The following PTPRT variants were observed in gnomAD, a reference collection of about 807,000 sequenced individuals.
The protein encoded by PTPRT is protein tyrosine phosphatase receptor type T.
A neutral mutation model predicts 176.8 loss-of-function variants in PTPRT; 56 were observed. The ratio of observed to expected loss-of-function variants is 0.32; its 90% CI spans 0.26 to 0.40. PTPRT has a LOEUF of 0.40. Among genes scored for constraint, PTPRT ranks in the 10% least tolerant of loss-of-function variants. The pLI is 1.00. For synonymous variants in PTPRT, 783 were observed against 739.0 expected (o/e 1.06, Z -0.96); for missense variants, 1,540 against 1,908.2 (o/e 0.81, Z 3.60).
chr20:43,063,811 T>C (rs1367896574), intron 1 of PTPRT, among the ~76,000 whole-genome samples: 1 of 152,190 alleles, frequency 6.6e-6, no homozygotes, highest in East Asian at 1.9e-4. Flanking sequence ...AAAGCAGCTC[T>C]GCAAGTTCCC....
intron 16 of PTPRT, among the ~76,000 whole-genome samples, chr20:42,178,816 C>T (rs1600638427): frequency 1.3e-5 from 2 of 152,272 alleles, no homozygotes; most frequent in East Asian, 3.9e-4. Context: ...GTATGGGACT[C>T]AGTTCCTTGC....
At chr20:42,106,587 A>G (rs1986464213) in intron 24 of PTPRT, among the ~76,000 whole-genome samples, 199 bp downstream of exon 24, 1 of 152,014 alleles carries the variant, frequency 6.6e-6, no homozygotes, top group African/African-American at 2.4e-5. Flanking sequence ...TGCACTGTAG[A>G]CCTCCAGGGT....
intron 6 of PTPRT, among the ~76,000 whole-genome samples, chr20:42,680,641 G>C (rs1476467198): frequency 6.6e-6 from 1 of 152,150 alleles, no homozygotes; most frequent in Non-Finnish European, 1.5e-5. Context: ...ATTAAGAGTT[G>C]CAGACTTCAA....
intron 1 of PTPRT, among the ~76,000 whole-genome samples, chr20:43,124,345 A>G (rs556761685): frequency 6.6e-6 from 1 of 152,344 alleles, no homozygotes; most frequent in African/African-American, 2.4e-5. Flanking sequence ...ATATAAATGC[A>G]TGTTCTTCTC....
chr20:43,043,932 C>T (rs1986734285), intron 1 of PTPRT, among the ~76,000 whole-genome samples: 2 of 152,224 alleles, frequency 1.3e-5, no homozygotes, highest in South Asian at 2.1e-4. Flanking sequence ...CCTCTGTCTG[C>T]TTATCCCACC....
At chr20:42,554,749 G>A (rs564937659) in intron 7 of PTPRT, among the ~76,000 whole-genome samples, 27 of 152,224 alleles carry the variant, frequency 1.8e-4, no homozygotes, top group African/African-American at 5.5e-4. Context: ...ATGCTTATTG[G>A]ACTTAAGCTG....
chr20:42,474,776 G>A (rs1054775972), intron 7 of PTPRT, among the ~76,000 whole-genome samples: 2 of 152,078 alleles, frequency 1.3e-5, no homozygotes, highest in Admixed American at 6.5e-5. Context: ...GGGAAGCCCC[G>A]AGCATCCCCA....
At chr20:42,969,522 C>A (rs752889131) in intron 1 of PTPRT, 1 of 152,180 alleles carries the variant, frequency 6.6e-6, no homozygotes, top group Non-Finnish European at 1.5e-5. Context: ...GAGCACTTTA[C>A]TATGAACTAT....
chr20:42,275,045 T>G (rs2057005946), intron 13 of PTPRT, among the ~76,000 whole-genome samples: 1 of 152,208 alleles, frequency 6.6e-6, no homozygotes, highest in Non-Finnish European at 1.5e-5. Flanking sequence ...TTTAACCCCT[T>G]GAGCCCATTT....
chr20:42,159,754 T>C (rs868303081), intron 17 of PTPRT, among the ~76,000 whole-genome samples: 2 of 152,176 alleles, frequency 1.3e-5, no homozygotes, highest in East Asian at 3.8e-4. Flanking sequence ...TTTTTGTTCT[T>C]ATAAATATGT....
chr20:42,291,207 T>C (rs1332789401), intron 12 of PTPRT, among the ~76,000 whole-genome samples: 1 of 152,136 alleles, frequency 6.6e-6, no homozygotes, highest in Non-Finnish European at 1.5e-5. Flanking sequence ...TTTTTGTTCA[T>C]GTACTCATTT....
In PTPRT at chr20:42,076,021, T is replaced by A. The variant is rs540300256; in HGVS notation, c.*4858A>T. ...TCCTGGCCTTGCGTTCCTGTTTTCC[T>A]GCCTAAAGTGCTCCAAATCTACCCC... On this transcript the variant is annotated 3_prime_UTR_variant, in exon 31 of 31. Transcript: ENST00000373187. 4 of 223,658 alleles carry A rather than the reference T, an allele frequency of 1.8e-5. No individual in the cohort carries two copies. Among genetic ancestry groups the A allele is most frequent in the African/African-American group, 8.9e-5 (4 of 44,952 alleles). 13.9% of individuals were successfully genotyped at this position (223,658 alleles called of 1,614,324 possible). A position where few individuals can be genotyped will look rare whatever the true frequency, so the allele number is the denominator to read the frequency against.
intron 4 of PTPRT, among the ~76,000 whole-genome samples, chr20:42,772,841 T>C (rs1290763523): frequency 1.3e-5 from 2 of 152,266 alleles, no homozygotes; most frequent in East Asian, 1.9e-4. Flanking sequence ...CCAGGTACTA[T>C]GATAAATGCT....
rs377080862 is a variant in PTPRT at position 42,873,513 on chromosome 20, C to T, written c.214+12294G>A. ...AGGAGAGTATTGACCAATAGAAACACAATGTGAGCCACGTATGCAATTCTA... is the reference window on the plus strand; with the variant it reads ...AGGAGAGTATTGACCAATAGAAACATAATGTGAGCCACGTATGCAATTCTA... On this transcript the variant is annotated intron_variant, in intron 2 of 30. Transcript: ENST00000373187. Among the ~76,000 whole-genome samples, 32 of 152,232 alleles carry T rather than the reference C, an allele frequency of 2.1e-4. 2 individuals carry two copies. In the South Asian group the frequency reaches 6.4e-3, roughly 31 times the overall value.
At chr20:42,264,087 A>C (rs2056799398) in intron 13 of PTPRT, among the ~76,000 whole-genome samples, 2 of 152,166 alleles carry the variant, frequency 1.3e-5, no homozygotes, top group South Asian at 4.1e-4. Context: ...TTGGCTTCTG[A>C]ATCTGAGTTT....
chr20:42,195,159 A>T lies in PTPRT; in HGVS notation c.2491+4081T>A, dbSNP rs144562261. On this transcript the variant is annotated intron_variant, in intron 16 of 30. Transcript: ENST00000373187. ...ACCCTAAAACTTAAAGCATAATAAA[A>T]AAAAGAAAAAAGAAAACCCCAGAAA... Among the ~76,000 whole-genome samples the T allele has an allele frequency of 3.8e-3, 584 of 152,358 alleles. 10 individuals are homozygous for T. Among genetic ancestry groups the T allele is most frequent in the African/African-American group, 0.014 (563 of 41,584 alleles).
chr20:43,061,574 C>G (rs1330082975), intron 1 of PTPRT, among the ~76,000 whole-genome samples: 1 of 152,192 alleles, frequency 6.6e-6, no homozygotes, highest in Admixed American at 6.5e-5. Flanking sequence ...AAGTGGTGTC[C>G]ACCATCTGGA....
chr20:43,037,204 T>C (rs1421072346), intron 1 of PTPRT, among the ~76,000 whole-genome samples: 1 of 152,236 alleles, frequency 6.6e-6, no homozygotes, highest in Non-Finnish European at 1.5e-5. Flanking sequence ...AGTAATTGCA[T>C]TTATGGCGTG....
At chr20:42,582,126 C>T (rs1008445782) in intron 7 of PTPRT, among the ~76,000 whole-genome samples, 2 of 152,152 alleles carry the variant, frequency 1.3e-5, no homozygotes, top group East Asian at 3.9e-4. Flanking sequence ...CCCTCTTTCC[C>T]TCCTGGGTCC....
Sources: gnomAD v4.1 joint callset for allele counts (sites outside exome capture counted in the v4.1 genomes callset) on GRCh38, gnomAD v4.1.1 for gene constraint, MANE v1.5 for transcripts, NCBI Gene and HGNC (gene_info 2026-07-23, HGNC 2026-07-21) for gene names.